SIDT1: variants seen among roughly 807,000 people sequenced by gnomAD.
SIDT1 encodes the protein SID1 transmembrane family, member 1.
Under a neutral mutation model 107.5 loss-of-function variants are expected in SIDT1, and 101 were observed. The observed-to-expected ratio is 0.94, with a 90% CI of 0.80 to 1.11. The LOEUF (loss-of-function observed/expected upper bound fraction) is 1.11. Among genes scored for constraint, SIDT1 ranks in the 50% least tolerant of loss-of-function variants. The probability of loss-of-function intolerance (pLI) is 0.00; values close to 1 mark genes in which losing one functional copy is unlikely to be tolerated. For synonymous variants in SIDT1, 395 were observed against 398.2 expected (o/e 0.99, Z 0.10); for missense variants, 1,076 against 1,058.2 (o/e 1.02, Z -0.23).
downstream of SIDT1, among the ~76,000 whole-genome samples, chr3:113,630,142 C>T (rs559664141): frequency 2.6e-5 from 4 of 152,218 alleles, no homozygotes; most frequent in South Asian, 2.1e-4. Context: ...CTGAGAAAGC[C>T]GGGTTCAACA....
intron 21 of SIDT1, among the ~76,000 whole-genome samples, chr3:113,621,012 G>A (rs1015215282): frequency 2.0e-5 from 3 of 152,146 alleles, no homozygotes; most frequent in African/African-American, 7.2e-5. Flanking sequence ...GACTTACACC[G>A]TGATTATCTG....
At chr3:113,534,342 C>A (rs893453884) in intron 1 of SIDT1, among the ~76,000 whole-genome samples, 2 of 152,202 alleles carry the variant, frequency 1.3e-5, no homozygotes, top group Non-Finnish European at 2.9e-5. Context: ...ATGTGCCTAA[C>A]ACTGCTCCTA....
chr3:113,592,963 G>T (rs747374300), intron 9 of SIDT1, 42 bp from the exon 10 acceptor site: 2 of 1,498,252 alleles, frequency 1.3e-6, no homozygotes, highest in East Asian at 2.3e-5. Flanking sequence ...AAATGCTGAG[G>T]TTTTCACTGT....
At chr3:113,617,806 A>G (rs1343046230) in intron 20 of SIDT1, among the ~76,000 whole-genome samples, 1 of 152,202 alleles carries the variant, frequency 6.6e-6, no homozygotes, top group Non-Finnish European at 1.5e-5. Context: ...AAAATTGAGC[A>G]GAAGTACAGA....
At chr3:113,536,992 A>G (rs1364359132) in intron 1 of SIDT1, among the ~76,000 whole-genome samples, 1 of 152,240 alleles carries the variant, frequency 6.6e-6, no homozygotes, top group African/African-American at 2.4e-5. Context: ...TGACTGGGAC[A>G]GAAGGCACAA....
chr3:113,541,991 T>C (rs1220416793), intron 1 of SIDT1, among the ~76,000 whole-genome samples: 3 of 151,630 alleles, frequency 2.0e-5, no homozygotes, highest in Admixed American at 2.0e-4. Context: ...TGGCACGATC[T>C]TGACTCACTG....
At chr3:113,635,392 A>G in the SIDT1 span, among the ~76,000 whole-genome samples, 1 of 152,200 alleles carries the variant, frequency 6.6e-6, no homozygotes, top group African/African-American at 2.4e-5. Context: ...TCAAGAGTCT[A>G]AAAGTTCTCC....
At chr3:113,538,359 G>T (rs570920449) in intron 1 of SIDT1, among the ~76,000 whole-genome samples, 1 of 152,302 alleles carries the variant, frequency 6.6e-6, no homozygotes, top group African/African-American at 2.4e-5. Flanking sequence ...TTCTGCCTAC[G>T]CAGACTTGAT....
At chr3:113,616,317 G>A (rs1946101866) in intron 20 of SIDT1, 141 bp downstream of exon 20, 1 of 656,642 alleles carries the variant, frequency 1.5e-6, no homozygotes, top group African/African-American at 1.8e-5. Flanking sequence ...CCATTAGTGG[G>A]AGAAGGAGCA....
chr3:113,582,834 G>A (rs1299843740), intron 6 of SIDT1, among the ~76,000 whole-genome samples: 1 of 151,896 alleles, frequency 6.6e-6, no homozygotes. Context: ...CATAACACCA[G>A]AAGTTTGGGG....
Position 113,608,419 on chromosome 3 carries a change from G to A in SIDT1, c.1603G>A (p.Glu535Lys), listed in dbSNP as rs1945496300. 2 of 1,608,528 alleles carry A rather than the reference G, an allele frequency of 1.2e-6. No individual in the cohort carries two copies. The highest frequency in any genetic ancestry group is 4.5e-5 in the East Asian group (2 of 44,866). ...ALEAKDIFAV[E>K]YGIPKHFGLF... is the part of the protein sequence containing the mutation. ...TTGACCACCCTTTCTCCTTTTTCAG[G>A]AGTACGGGATTCCCAAACACTTTGG... The change falls in exon 17 of 25, where the codon GAG (glutamate) becomes AAG (lysine). Residue 535 changes from glutamate (E) to lysine (K), a missense_variant and splice_region_variant. By Grantham distance (56) the Glu-to-Lys change is moderately conservative. Coordinates refer to ENST00000264852, the MANE Select transcript of SIDT1 (RefSeq NM_017699.3).
chr3:113,579,037 A>G (rs1943131573), intron 4 of SIDT1, among the ~76,000 whole-genome samples: 1 of 152,188 alleles, frequency 6.6e-6, no homozygotes, highest in Non-Finnish European at 1.5e-5. Context: ...TTCTTTTTCT[A>G]TAAACTCACC....
chr3:113,620,256 CTCTT>C (rs1946380242), intron 21 of SIDT1, among the ~76,000 whole-genome samples: 1 of 150,932 alleles, frequency 6.6e-6, no homozygotes, highest in South Asian at 2.1e-4. Context: ...TCCCTCCAGT[CTCTT>C]TCTTTCTACC....
At position 113,604,047 on chromosome 3, in the gene SIDT1, C is replaced by T. The variant is rs1446745023; in HGVS notation, c.1337+14C>T. ...AATTTATTTTTGGTAAGTAGATGACCAGTAGGACCATGGTTCCCTTAAATA... is the reference window on the plus strand; with the variant it reads ...AATTTATTTTTGGTAAGTAGATGACTAGTAGGACCATGGTTCCCTTAAATA... On this transcript the variant is annotated intron_variant, in intron 13 of 24. Coordinates refer to ENST00000264852, the MANE Select transcript of SIDT1 (RefSeq NM_017699.3). 6 of 1,532,258 alleles carry T rather than the reference C, an allele frequency of 3.9e-6. No homozygotes were observed. In the East Asian group the frequency reaches 1.4e-4, roughly 37 times the overall value. 94.9% of individuals were successfully genotyped at this position (1,532,258 alleles called of 1,614,324 possible).
At chr3:113,563,211 A>T (rs1033765984) in intron 1 of SIDT1, among the ~76,000 whole-genome samples, 9 of 152,220 alleles carry the variant, frequency 5.9e-5, no homozygotes, top group African/African-American at 2.2e-4. Flanking sequence ...GAGGGATTCA[A>T]CTCCGTGGAG....
chr3:113,571,511 T>C (rs78384425), intron 3 of SIDT1, among the ~76,000 whole-genome samples: 40,959 of 129,282 alleles, frequency 0.32, 6,104 homozygotes, highest in East Asian at 0.62. Flanking sequence ...CACACACACA[T>C]AAACTGTGCC....
At chr3:113,581,498 T>TAA in intron 6 of SIDT1, 54 bp downstream of exon 6, 1 of 1,396,800 alleles carries the variant, frequency 7.2e-7, no homozygotes, top group Non-Finnish European at 1.0e-6. Flanking sequence ...CAATAGATAG[T>TAA]GTACTTACTG....
Position 113,533,056 on chromosome 3 carries a change from C to A in SIDT1, c.35C>A (p.Ala12Glu), listed in dbSNP as rs1435538818. The change falls in exon 1 of 25, where the codon GCG becomes GAG. Residue 12 changes from alanine to glutamate, a missense_variant. Physicochemically the swap from Ala to Glu is moderately radical, Grantham distance 107. Coordinates refer to ENST00000264852, the MANE Select transcript of SIDT1 (RefSeq NM_017699.3). ...TGCCTGCGGCTCGCGCTGCTCTGCG[C>A]GCTGCCCTGGCTCCTGCTGGCGGCG... ...RGCLRLALLC[A>E]LPWLLLAASP... The A allele has an allele frequency of 6.8e-7, 1 of 1,461,904 alleles. No individual in the cohort carries two copies. Among genetic ancestry groups the A allele is most frequent in the Non-Finnish European group, 9.0e-7 (1 of 1,108,258 alleles). The allele number at this position is 1,461,904 out of a possible 1,614,324, so 90.6% of individuals were successfully genotyped here.
rs139305902 is a variant in SIDT1 at position 113,542,454 on chromosome 3, G to GT, written c.222+9217dup. 7.7e-3 allele frequency among the ~76,000 whole-genome samples: 1,166 copies of GT among 152,018 alleles called. 13 individuals are homozygous for GT. Among genetic ancestry groups the GT allele is most frequent in the African/African-American group, 0.018 (753 of 41,468 alleles). On this transcript the variant is annotated intron_variant, in intron 1 of 24. Transcript: ENST00000264852. ...TTTAAATATGCTGTCTGAATTTAAA[G>GT]TTTTTTCCTTTTCATCTTCTATTTT...
Sources: allele counts gnomAD v4.1 joint callset (sites outside exome capture counted in the v4.1 genomes callset), GRCh38; gene constraint gnomAD v4.1.1; transcripts MANE v1.5; gene names NCBI Gene and HGNC (gene_info 2026-07-23, HGNC 2026-07-21).